Variants in MPP7 observed in about 807,000 individuals in gnomAD.
MPP7 encodes MAGUK p55 subfamily member 7.
MPP7 carries 60 observed loss-of-function variants against 76.5 expected under a neutral mutation model. That is an observed-to-expected ratio of 0.78 (90% CI 0.64 to 0.97). The LOEUF (loss-of-function observed/expected upper bound fraction) is 0.97. Ranked by LOEUF, MPP7 falls within the 50% of genes least tolerant of loss-of-function variation. The pLI is 0.00. For synonymous variants in MPP7, 237 were observed against 244.5 expected (o/e 0.97, Z 0.29); for missense variants, 641 against 694.0 (o/e 0.92, Z 0.86).
At chr10:28,220,170 A>G (rs1207938855) in intron 2 of MPP7, among the ~76,000 whole-genome samples, 1 of 152,142 alleles carries the variant, frequency 6.6e-6, no homozygotes, top group Non-Finnish European at 1.5e-5. Context: ...CCTAACTTTC[A>G]TTTGTACATG....
intron 3 of MPP7, among the ~76,000 whole-genome samples, chr10:28,153,625 C>T (rs866910466): frequency 1.3e-5 from 2 of 152,094 alleles, no homozygotes; most frequent in Non-Finnish European, 2.9e-5. Context: ...TAGTTACCTT[C>T]ATTTACATAC....
At chr10:28,134,764 A>G (rs1405876987) in intron 5 of MPP7, among the ~76,000 whole-genome samples, 8 of 152,138 alleles carry the variant, frequency 5.3e-5, no homozygotes, top group African/African-American at 1.9e-4. Flanking sequence ...GCAAAGGCAA[A>G]GAGAAGATCC....
At chr10:28,292,291 T>C (rs1416683498) in intron 1 of MPP7, among the ~76,000 whole-genome samples, 1 of 152,110 alleles carries the variant, frequency 6.6e-6, no homozygotes, top group African/African-American at 2.4e-5. Context: ...TCAGAACATA[T>C]CCCTGTTAAG....
Position 28,202,281 on chromosome 10 carries a change from G to C in MPP7, c.38-10C>G. ...AACAGCTCATACAGACCTATAAAAT[G>C]AAAATAAAACACAAAGTGTAATCTT... On this transcript the variant is annotated splice_polypyrimidine_tract_variant and intron_variant, in intron 2 of 16. Coordinates refer to ENST00000683449, the MANE Select transcript of MPP7 (RefSeq NM_001318170.2). The C allele has an allele frequency of 5.7e-6, 9 of 1,580,900 alleles. No homozygotes were observed. The highest frequency in any genetic ancestry group is 6.9e-6 in the Non-Finnish European group (8 of 1,153,790).
chr10:28,064,619 G>T (rs1169132990), intron 13 of MPP7, among the ~76,000 whole-genome samples: 2 of 152,164 alleles, frequency 1.3e-5, no homozygotes, highest in Admixed American at 6.5e-5. Flanking sequence ...TTATAAAAAA[G>T]AATCTGAGAA....
chr10:28,331,312 C>A (rs772542998), intron 1 of MPP7, among the ~76,000 whole-genome samples: 3 of 152,002 alleles, frequency 2.0e-5, no homozygotes, highest in African/African-American at 4.8e-5. Context: ...AGGGGAGGAG[C>A]CTCAGGGAAG....
intron 1 of MPP7, among the ~76,000 whole-genome samples, chr10:28,293,389 A>C (rs1241167620): frequency 6.6e-6 from 1 of 152,252 alleles, no homozygotes; most frequent in Non-Finnish European, 1.5e-5. Context: ...CTGTTGCATC[A>C]GATTGGAAAA....
At chr10:28,321,025 T>G (rs78889146) in intron 2 of MPP7, among the ~76,000 whole-genome samples, 2,127 of 152,156 alleles carry the variant, frequency 0.014, 57 homozygotes, top group African/African-American at 0.049. Flanking sequence ...TTGGAGAAGC[T>G]TCCTCCCCAC....
At chr10:28,138,562 C>G (rs1436169239) in intron 5 of MPP7, among the ~76,000 whole-genome samples, 2 of 152,170 alleles carry the variant, frequency 1.3e-5, no homozygotes, top group African/African-American at 4.8e-5. Flanking sequence ...ATTGACTGAT[C>G]AATTCATTCT....
intron 3 of MPP7, among the ~76,000 whole-genome samples, chr10:28,171,410 A>G (rs1208749455): frequency 6.6e-6 from 1 of 152,062 alleles, no homozygotes; most frequent in East Asian, 1.9e-4. Flanking sequence ...GGAAAAGTCT[A>G]TTTTCCTTAC....
intron 1 of MPP7, among the ~76,000 whole-genome samples, chr10:28,290,576 G>A (rs557885072): frequency 2.6e-5 from 4 of 152,204 alleles, no homozygotes; most frequent in South Asian, 2.1e-4. Flanking sequence ...AGGTTCAAGC[G>A]ATTCTCCTGT....
intron 3 of MPP7, among the ~76,000 whole-genome samples, chr10:28,155,609 A>AAAAAAAAAAG (rs1554843036): frequency 2.2e-5 from 3 of 137,070 alleles, no homozygotes; most frequent in African/African-American, 8.3e-5. Flanking sequence ...AAAAAAAAAA[A>AAAAAAAAAAG]GAAAGAAAAA....
rs892314691 is a variant in MPP7, at chr10:28,295,756, C to T, written c.-132+7105G>A. On this transcript the variant is annotated intron_variant, in intron 1 of 16. Transcript: ENST00000683449. The stretch of plus-strand genomic sequence containing the variant: ...TGTCCCTGCACACACCTGCCGTGTA[C>T]GGCATCCTACCTGATCCTTCTCTTT... Among the ~76,000 whole-genome samples, 8 of 152,368 alleles carry T rather than the reference C, an allele frequency of 5.3e-5. 1 individual carries two copies. In the East Asian group the frequency reaches 1.2e-3, roughly 22 times the overall value.
intron 2 of MPP7, 104 bp from the exon 3 acceptor site, chr10:28,202,375 T>A: frequency 1.4e-6 from 1 of 730,606 alleles, no homozygotes; most frequent in Non-Finnish European, 2.3e-6. Flanking sequence ...TTTTACTGGA[T>A]TTGTATTCCG....
intron 16 of MPP7, 137 bp from the exon 17 acceptor site, chr10:28,054,381 A>G: frequency 1.7e-6 from 1 of 581,432 alleles, no homozygotes. Flanking sequence ...AATAAAAGTC[A>G]TCCTCTTTAA....
chr10:28,124,066 C>G lies in MPP7; in HGVS notation c.580G>C (p.Glu194Gln). Residue 194 changes from glutamate to glutamine, a missense_variant, in exon 8 of 17, where the codon GAG becomes CAG. Physicochemically the swap from Glu to Gln is conservative, Grantham distance 29 (BLOSUM62 2). Transcript: ENST00000683449. The stretch of plus-strand genomic sequence containing the variant: ...ATTATTTCCTCAGGCCTTTTATCCT[C>G]CACTGGTATCCCGTTGACTTCCCTA... ...ELREVNGIPV[E>Q]DKRPEEIIQI... 1 of 1,612,568 alleles carries G rather than the reference C, an allele frequency of 6.2e-7. No homozygotes were observed. Among genetic ancestry groups the G allele is most frequent in the South Asian group, 1.1e-5 (1 of 91,060 alleles).
At chr10:28,237,541 CA>C (rs1394251046) in intron 2 of MPP7, among the ~76,000 whole-genome samples, 1 of 151,994 alleles carries the variant, frequency 6.6e-6, no homozygotes, top group Non-Finnish European at 1.5e-5. Flanking sequence ...CTTGAAATAG[CA>C]AAGAATTATA....
intron 2 of MPP7, among the ~76,000 whole-genome samples, chr10:28,311,392 T>C (rs1421870106): frequency 2.0e-5 from 3 of 152,182 alleles, no homozygotes; most frequent in Non-Finnish European, 4.4e-5. Context: ...TACCAATTTA[T>C]ATGTGGTCCC....
chr10:28,105,931 T>C (rs1834309545), intron 11 of MPP7, among the ~76,000 whole-genome samples: 1 of 152,230 alleles, frequency 6.6e-6, no homozygotes, highest in South Asian at 2.1e-4. Context: ...ACAAAAAATA[T>C]GGATCTTTGT....
Sources: gnomAD v4.1 joint callset for allele counts (sites outside exome capture counted in the v4.1 genomes callset) on GRCh38, gnomAD v4.1.1 for gene constraint, MANE v1.5 for transcripts, NCBI Gene and HGNC (gene_info 2026-07-23, HGNC 2026-07-21) for gene names.